The following NDST4 variants were observed in gnomAD, a reference collection of about 807,000 sequenced individuals.
NDST4 encodes N-deacetylase and N-sulfotransferase 4.
Under a neutral mutation model 100.8 loss-of-function variants are expected in NDST4, and 63 were observed. The ratio of observed to expected loss-of-function variants is 0.62; its 90% CI spans 0.51 to 0.77. NDST4 has a LOEUF of 0.77. NDST4 is among the 30% of genes least tolerant of loss of function. The probability of loss-of-function intolerance (pLI) is 0.00; values close to 1 mark genes in which losing one functional copy is unlikely to be tolerated. For missense variants in NDST4, 943 were observed against 1,018.4 expected, an observed-to-expected ratio of 0.93 and a Z score of 1.01; for synonymous variants, 377 against 361.8, an observed-to-expected ratio of 1.04 and a Z score of -0.48.
intron 7 of NDST4, among the ~76,000 whole-genome samples, chr4:114,865,338 T>G (rs575364422): frequency 6.6e-6 from 1 of 152,242 alleles, no homozygotes; most frequent in East Asian, 1.9e-4. Flanking sequence ...GCCGGGATTA[T>G]AGGAGTGAGC....
At chr4:114,971,601 T>C (rs566079614) in intron 3 of NDST4, among the ~76,000 whole-genome samples, 2 of 152,288 alleles carry the variant, frequency 1.3e-5, no homozygotes, top group South Asian at 4.1e-4. Context: ...GAATAAGTCC[T>C]GGCTTATAGT....
chr4:114,979,646 G>A (rs1163885170), intron 2 of NDST4, among the ~76,000 whole-genome samples: 1 of 151,786 alleles, frequency 6.6e-6, no homozygotes, highest in Non-Finnish European at 1.5e-5. Context: ...TTATAACACA[G>A]ATGTTTTATA....
intron 6 of NDST4, among the ~76,000 whole-genome samples, chr4:114,930,147 G>C (rs1387386893): frequency 6.6e-6 from 1 of 152,064 alleles, no homozygotes; most frequent in Admixed American, 6.5e-5. Flanking sequence ...GAATATCCTT[G>C]ATGTTTTTAA....
intron 7 of NDST4, among the ~76,000 whole-genome samples, chr4:114,860,039 T>C (rs1458552564): frequency 6.6e-6 from 1 of 152,202 alleles, no homozygotes; most frequent in Non-Finnish European, 1.5e-5. Context: ...AAGTACAATC[T>C]AAAGGGATCA....
intron 4 of NDST4, among the ~76,000 whole-genome samples, chr4:114,968,980 A>G (rs1011327507): frequency 6.6e-6 from 1 of 152,222 alleles, no homozygotes; most frequent in African/African-American, 2.4e-5. Context: ...GAAGTCTTCT[A>G]GGTGAAATAG....
rs943244599 is a variant in NDST4, at chr4:114,883,563, A to G, written c.1537-12613T>C. ...CAGAGAGCAAATGCAAAAAGTAGAA[A>G]ACAGTTACAACTGGTATAAATAATT... On this transcript the variant is annotated intron_variant, in intron 6 of 13. Coordinates refer to ENST00000264363, the MANE Select transcript of NDST4 (RefSeq NM_022569.3). Among the ~76,000 whole-genome samples the G allele has an allele frequency of 7.2e-5, 11 of 152,222 alleles. No homozygotes were observed. In the South Asian group the frequency reaches 2.1e-3, roughly 29 times the overall value.
intron 2 of NDST4, among the ~76,000 whole-genome samples, chr4:115,026,897 A>G (rs1727998276): frequency 6.6e-6 from 1 of 152,172 alleles, no homozygotes; most frequent in Non-Finnish European, 1.5e-5. Context: ...TGAGAAAATC[A>G]AAGTAGAATC....
At position 114,827,861 on chromosome 4, in the gene NDST4, C is replaced by T; in HGVS notation, c.2574G>A (p.Gln858=). 6.2e-7 allele frequency: 1 copy of T among 1,612,404 alleles called. No homozygotes were observed. Among genetic ancestry groups the T allele is most frequent in the Non-Finnish European group, 8.5e-7 (1 of 1,179,236 alleles). The change falls in exon 14 of 14, where the codon CAG becomes CAA. Residue 858 remains glutamine, a synonymous_variant. Transcript: ENST00000264363. ...ELSKLLHRLG[Q]PLPSWLRQEL... Reference sequence around the variant, plus strand: ...CCTGTCTCAGCCACGATGGCAGAGGCTGTCCCAGTCTGTGTAGCAGTTTGG... The same window carrying T: ...CCTGTCTCAGCCACGATGGCAGAGGTTGTCCCAGTCTGTGTAGCAGTTTGG...
At chr4:114,896,059 T>C (rs1724707163) in intron 6 of NDST4, among the ~76,000 whole-genome samples, 1 of 152,166 alleles carries the variant, frequency 6.6e-6, no homozygotes, top group South Asian at 2.1e-4. Context: ...ATACAAAATA[T>C]TAAGTAATAT....
chr4:114,856,094 G>A (rs752681240), intron 7 of NDST4, among the ~76,000 whole-genome samples: 12 of 149,724 alleles, frequency 8.0e-5, no homozygotes, highest in East Asian at 5.9e-4. Context: ...ACACAGTCTC[G>A]CTCTGTCACC....
rs138823266 is a variant in NDST4 at position 115,021,303 on chromosome 4, T to C, written c.979-44029A>G. Reference sequence around the variant, plus strand: ...GTATTCCACATATACATATTCCATATATATATTCCACATATACATATTCCA... The same window carrying C: ...GTATTCCACATATACATATTCCATACATATATTCCACATATACATATTCCA... On this transcript the variant is annotated intron_variant, in intron 2 of 13. Coordinates refer to ENST00000264363, the MANE Select transcript of NDST4 (RefSeq NM_022569.3). Among the ~76,000 whole-genome samples, 262 of 147,364 alleles carry C rather than the reference T, an allele frequency of 1.8e-3. 11 individuals carry two copies. In the East Asian group the frequency reaches 0.044, roughly 25 times the overall value.
Position 114,931,698 on chromosome 4 carries a change from A to T in NDST4, c.1536+3508T>A, listed in dbSNP as rs150239876. Among the ~76,000 whole-genome samples, 1,190 of 151,946 alleles carry T rather than the reference A, an allele frequency of 7.8e-3. 11 individuals are homozygous for T. Among genetic ancestry groups the T allele is most frequent in the Middle Eastern group, 0.034 (10 of 294 alleles). On this transcript the variant is annotated intron_variant, in intron 6 of 13. Transcript: ENST00000264363. ...ACCACAGAAATGCAAAAAGGGATAA[A>T]AACAGACTACTATGAACAATGATAA...
chr4:114,925,343 C>G (rs1225521087), intron 6 of NDST4, among the ~76,000 whole-genome samples: 1 of 152,092 alleles, frequency 6.6e-6, no homozygotes, highest in Non-Finnish European at 1.5e-5. Context: ...CTCTAAATTA[C>G]CTCATCTATG....
At chr4:115,050,378 C>T (rs1442044631) in intron 2 of NDST4, among the ~76,000 whole-genome samples, 1 of 151,592 alleles carries the variant, frequency 6.6e-6, no homozygotes, top group South Asian at 2.1e-4. Context: ...TGCCTCCTTG[C>T]CAAGTACTGC....
intron 12 of NDST4, among the ~76,000 whole-genome samples, chr4:114,830,939 T>G (rs1161417604): frequency 6.6e-6 from 1 of 152,350 alleles, no homozygotes; most frequent in East Asian, 1.9e-4. Context: ...CAACCTATTA[T>G]TAGAGACCTG....
intron 3 of NDST4, among the ~76,000 whole-genome samples, chr4:114,974,976 G>A (rs1220515223): frequency 2.6e-5 from 4 of 152,092 alleles, no homozygotes; most frequent in Non-Finnish European, 5.9e-5. Context: ...CAGTCAGTCC[G>A]ACAAGGCCAT....
chr4:114,840,781 G>C (rs1295261982), intron 10 of NDST4, among the ~76,000 whole-genome samples: 1 of 152,144 alleles, frequency 6.6e-6, no homozygotes, highest in Admixed American at 6.5e-5. Context: ...CTATGACTGT[G>C]TAATGGCTGG....
At chr4:115,110,687 A>AT (rs1346033236) in intron 1 of NDST4, among the ~76,000 whole-genome samples, 1 of 151,976 alleles carries the variant, frequency 6.6e-6, no homozygotes, top group East Asian at 1.9e-4. Flanking sequence ...TTTCCTGAGA[A>AT]TAAACTGTAT....
At position 115,065,140 on chromosome 4, in the gene NDST4, G is replaced by A. The variant is rs79698483; in HGVS notation, c.978+10919C>T. On this transcript the variant is annotated intron_variant, in intron 2 of 13. Transcript: ENST00000264363. ...AATTCTGTCAATTCTACTTCTGCGA[G>A]GACTTTCCTGATTTTCCCTTTCTAT... Among the ~76,000 whole-genome samples, 1,411 of 152,084 alleles carry A rather than the reference G, an allele frequency of 9.3e-3. 29 individuals are homozygous for A. Among genetic ancestry groups the A allele is most frequent in the East Asian group, 0.041 (213 of 5,166 alleles).
Sources: allele counts gnomAD v4.1 joint callset (sites outside exome capture counted in the v4.1 genomes callset), GRCh38; gene constraint gnomAD v4.1.1; transcripts MANE v1.5; gene names NCBI Gene and HGNC (gene_info 2026-07-23, HGNC 2026-07-21).